ARSG: variants seen among roughly 807,000 people sequenced by gnomAD.
The protein encoded by ARSG is arylsulfatase G.
ARSG carries 37 observed loss-of-function variants against 50.5 expected under a neutral mutation model. That is an observed-to-expected ratio of 0.73 (90% CI 0.56 to 0.96). The LOEUF is 0.96. ARSG is among the 50% of genes least tolerant of loss of function. The probability of loss-of-function intolerance (pLI) is 0.00; values close to 1 mark genes in which losing one functional copy is unlikely to be tolerated. For missense variants in ARSG, 629 were observed against 675.3 expected, an observed-to-expected ratio of 0.93 and a Z score of 0.76; for synonymous variants, 225 against 254.6, an observed-to-expected ratio of 0.88 and a Z score of 1.11.
At chr17:68,284,022 C>T (rs2075783913) in intron 1 of ARSG, among the ~76,000 whole-genome samples, 2 of 144,016 alleles carry the variant, frequency 1.4e-5, no homozygotes, top group South Asian at 4.4e-4. Context: ...ACCTAGGAGT[C>T]GGAGGTTGCA....
At chr17:68,261,571 GT>G (rs1441317283) in intron 1 of ARSG, among the ~76,000 whole-genome samples, 1 of 152,040 alleles carries the variant, frequency 6.6e-6, no homozygotes, top group Non-Finnish European at 1.5e-5. Context: ...GTAGAGAGGG[GT>G]TTTACCATGT....
At chr17:68,330,913 A>G (rs887591803) in intron 2 of ARSG, among the ~76,000 whole-genome samples, 2 of 147,164 alleles carry the variant, frequency 1.4e-5, no homozygotes, top group Non-Finnish European at 3.0e-5. Flanking sequence ...TGATTCTTGA[A>G]CCAGGGACGC....
the ARSG span, among the ~76,000 whole-genome samples, chr17:68,438,949 A>G: frequency 6.6e-6 from 1 of 152,224 alleles, no homozygotes; most frequent in Non-Finnish European, 1.5e-5. Flanking sequence ...ATGAGATACC[A>G]CTGTACAACC....
At chr17:68,294,962 C>T (rs1385301220) in intron 1 of ARSG, among the ~76,000 whole-genome samples, 1 of 152,018 alleles carries the variant, frequency 6.6e-6, no homozygotes, top group African/African-American at 2.4e-5. Context: ...ATAGTGATGA[C>T]GATGATAATA....
chr17:68,288,837 C>T (rs1300445917), upstream of ARSG, among the ~76,000 whole-genome samples: 1 of 152,146 alleles, frequency 6.6e-6, no homozygotes, highest in Admixed American at 6.6e-5. Context: ...ACCACAGAAT[C>T]CTGAACTTCT....
chr17:68,407,523 T>C (rs1022008269), intron 11 of ARSG, among the ~76,000 whole-genome samples: 4 of 152,184 alleles, frequency 2.6e-5, no homozygotes, highest in Admixed American at 2.0e-4. Flanking sequence ...TTGTGTCATC[T>C]ATGATTTCTT....
chr17:68,401,282 C>A, intron 10 of ARSG, 78 bp from the exon 11 acceptor site: 1 of 1,309,826 alleles, frequency 7.6e-7, no homozygotes, highest in Non-Finnish European at 1.1e-6. Context: ...CTCGACCTCC[C>A]AAGGTATTGG....
chr17:68,262,978 G>C (rs1179635389), intron 1 of ARSG, among the ~76,000 whole-genome samples: 3 of 152,238 alleles, frequency 2.0e-5, no homozygotes, highest in Non-Finnish European at 4.4e-5. Context: ...TGAATTCTAG[G>C]GTGTATAAGT....
chr17:68,353,539 C>G (rs2078895759), intron 5 of ARSG, among the ~76,000 whole-genome samples: 1 of 152,014 alleles, frequency 6.6e-6, no homozygotes, highest in South Asian at 2.1e-4. Context: ...AAACAAAAAC[C>G]AGCCCAGGGA....
At chr17:68,370,602 T>G in intron 8 of ARSG, 78 bp downstream of exon 8, 1 of 1,349,142 alleles carries the variant, frequency 7.4e-7, no homozygotes, top group Non-Finnish European at 1.1e-6. Context: ...TGCCTCCGGG[T>G]GGGGGACAAC....
At position 68,420,565 on chromosome 17, in the gene ARSG, T is replaced by C. The variant is rs561013273; in HGVS notation, c.*102T>C. 7.3e-7 allele frequency: 1 copy of C among 1,369,568 alleles called. No homozygotes were observed. The highest frequency in any genetic ancestry group is 1.0e-6 in the Non-Finnish European group (1 of 989,620). The allele number at this position is 1,369,568 out of a possible 1,614,324, so 84.8% of individuals were successfully genotyped here. ...TTTACAAACACACGCTTTAGTTTAGTCTTGGAGTTTAGTTTTGGAGTTAGC... is the reference window on the plus strand; with the variant it reads ...TTTACAAACACACGCTTTAGTTTAGCCTTGGAGTTTAGTTTTGGAGTTAGC... On this transcript the variant is annotated 3_prime_UTR_variant, in exon 12 of 12. Transcript: ENST00000621439.
the ARSG span, among the ~76,000 whole-genome samples, chr17:68,433,760 GTTTTTTTTTTTTTTTT>G: frequency 5.9e-3 from 430 of 72,798 alleles, 8 homozygotes; most frequent in African/African-American, 9.6e-3. Flanking sequence ...AAGGGTCATA[GTTTTTTTTTTTTTTTT>G]TTTTTTTTTT....
chr17:68,413,118 G>T (rs2082111889), intron 11 of ARSG, among the ~76,000 whole-genome samples: 1 of 151,982 alleles, frequency 6.6e-6, no homozygotes, highest in South Asian at 2.1e-4. Flanking sequence ...TCTTCTCTCA[G>T]CTCGTCAAAG....
At chr17:68,426,249 C>CGGGG (rs1316424396), downstream of ARSG, 207 of 787,960 alleles carry the variant, frequency 2.6e-4, 6 homozygotes, top group African/African-American at 3.4e-3. Flanking sequence ...GGGTGGGGAG[C>CGGGG]GGGGGCTCAA....
intron 8 of ARSG, among the ~76,000 whole-genome samples, chr17:68,383,817 C>T (rs902721458): frequency 2.0e-5 from 3 of 152,200 alleles, no homozygotes; most frequent in African/African-American, 7.2e-5. Flanking sequence ...GATCAAAGAG[C>T]GTCTCATTCA....
At chr17:68,300,855 TAA>T (rs1200195007) in intron 1 of ARSG, among the ~76,000 whole-genome samples, 3 of 139,568 alleles carry the variant, frequency 2.1e-5, no homozygotes, top group African/African-American at 2.6e-5. Flanking sequence ...CTCCAAGCTT[TAA>T]AAAAAAAAAA....
At chr17:68,451,595 C>A in the ARSG span, among the ~76,000 whole-genome samples, 3 of 152,212 alleles carry the variant, frequency 2.0e-5, no homozygotes, top group African/African-American at 7.2e-5. Flanking sequence ...TTTTCATCTA[C>A]CCTTTCCCTG....
chr17:68,375,456 C>G (rs560874434), intron 8 of ARSG, among the ~76,000 whole-genome samples: 1 of 152,294 alleles, frequency 6.6e-6, no homozygotes, highest in Admixed American at 6.5e-5. Context: ...TTAAACAAGT[C>G]CTTTGGGCGA....
At chr17:68,408,700 A>G (rs2081861037) in intron 11 of ARSG, among the ~76,000 whole-genome samples, 1 of 151,998 alleles carries the variant, frequency 6.6e-6, no homozygotes, top group African/African-American at 2.4e-5. Flanking sequence ...GAATCGCCAC[A>G]CTGACTTCCA....
Sources: gnomAD v4.1 joint callset for allele counts (sites outside exome capture counted in the v4.1 genomes callset) on GRCh38, gnomAD v4.1.1 for gene constraint, MANE v1.5 for transcripts, NCBI Gene and HGNC (gene_info 2026-07-23, HGNC 2026-07-21) for gene names.